Variants in PRIMA1 observed in about 807,000 individuals in gnomAD.
PRIMA1 encodes proline-rich membrane anchor 1.
In PRIMA1, 7 loss-of-function variants were observed where a neutral mutation model predicts 17.5. The observed-to-expected ratio is 0.40, with a 90% CI of 0.23 to 0.75. The LOEUF (loss-of-function observed/expected upper bound fraction) is 0.75, where lower values mean the gene tolerates loss of function less well. PRIMA1 is among the 30% of genes least tolerant of loss of function. PRIMA1 has a pLI of 0.37. For missense variants in PRIMA1, 200 were observed against 201.8 expected, an observed-to-expected ratio of 0.99 and a Z score of 0.05; for synonymous variants, 97 against 77.9, an observed-to-expected ratio of 1.25 and a Z score of -1.29.
intron 4 of PRIMA1, among the ~76,000 whole-genome samples, chr14:93,729,553 C>T (rs1018528618): frequency 2.6e-5 from 4 of 152,184 alleles, no homozygotes; most frequent in Non-Finnish European, 5.9e-5. Context: ...GGAGCAGTTC[C>T]ACTCCTGTCC....
chr14:93,777,925 G>T (rs112170118), intron 3 of PRIMA1, among the ~76,000 whole-genome samples: 2 of 152,178 alleles, frequency 1.3e-5, no homozygotes, highest in African/African-American at 2.4e-5. Context: ...ACTACGTGCC[G>T]TGGGGCCCAA....
intron 3 of PRIMA1, among the ~76,000 whole-genome samples, chr14:93,775,889 G>A (rs1885203499): frequency 6.6e-6 from 1 of 152,186 alleles, no homozygotes; most frequent in East Asian, 1.9e-4. Flanking sequence ...CCCAACTCCA[G>A]GGGTGGTCAC....
chr14:93,744,838 G>C (rs961613821), intron 3 of PRIMA1, among the ~76,000 whole-genome samples: 1 of 152,196 alleles, frequency 6.6e-6, no homozygotes, highest in African/African-American at 2.4e-5. Flanking sequence ...CCTGGCCCAT[G>C]CTTGACAGAA....
At chr14:93,737,422 C>T (rs1434710882) in intron 3 of PRIMA1, 52 bp from the exon 4 acceptor site, 2 of 1,593,460 alleles carry the variant, frequency 1.3e-6, no homozygotes, top group Non-Finnish European at 1.7e-6. Context: ...TGGTCATGGC[C>T]AGTGACAGAG....
At chr14:93,763,574 T>C (rs1884798347) in intron 3 of PRIMA1, among the ~76,000 whole-genome samples, 1 of 152,042 alleles carries the variant, frequency 6.6e-6, no homozygotes, top group South Asian at 2.1e-4. Context: ...TTCCTTCCAC[T>C]CCACTCTGCA....
intron 4 of PRIMA1, 108 bp downstream of exon 4, chr14:93,737,133 T>C (rs1454729988): frequency 1.3e-5 from 14 of 1,118,396 alleles, no homozygotes; most frequent in Non-Finnish European, 6.3e-6. Flanking sequence ...TCTTATATGC[T>C]TAACAACTTT....
chr14:93,719,990 G>A lies in PRIMA1; in HGVS notation c.*1454C>T, dbSNP rs2076026898. The A allele has an allele frequency of 1.3e-5, 2 of 152,204 alleles. No homozygotes were observed. The highest frequency in any genetic ancestry group is 2.4e-5 in the African/African-American group (1 of 41,438). 9.4% of individuals were successfully genotyped at this position (152,204 alleles called of 1,614,324 possible). Reference sequence around the variant, plus strand: ...CCCAAATGGGGACCGGTTTTCAGGTGTGTCTGTCTTCTCTGGACTTCAAAG... The same window carrying A: ...CCCAAATGGGGACCGGTTTTCAGGTATGTCTGTCTTCTCTGGACTTCAAAG... On this transcript the variant is annotated 3_prime_UTR_variant, in exon 5 of 5. Transcript: ENST00000393140.
intron 3 of PRIMA1, among the ~76,000 whole-genome samples, chr14:93,745,967 G>A (rs2076214542): frequency 6.6e-6 from 1 of 152,198 alleles, no homozygotes; most frequent in Non-Finnish European, 1.5e-5. Flanking sequence ...CAGAGAGCCA[G>A]CAGCAGACAC....
intron 4 of PRIMA1, among the ~76,000 whole-genome samples, chr14:93,724,572 T>C (rs60166065): frequency 0.013 from 2,053 of 152,270 alleles, 46 homozygotes; most frequent in African/African-American, 0.045. Flanking sequence ...GAAATCTGCA[T>C]GGCCTGGACA....
intron 3 of PRIMA1, among the ~76,000 whole-genome samples, chr14:93,774,452 G>A (rs1885152020): frequency 6.6e-6 from 1 of 152,188 alleles, no homozygotes; most frequent in Non-Finnish European, 1.5e-5. Flanking sequence ...GCACGAATAG[G>A]TGTTTCTCTC....
chr14:93,737,206 C>T (rs781372978), intron 4 of PRIMA1, 35 bp downstream of exon 4: 34 of 1,608,770 alleles, frequency 2.1e-5, no homozygotes, highest in East Asian at 1.8e-4. Context: ...GGGTTCCCTT[C>T]GGCTTGAAGC....
intron 3 of PRIMA1, among the ~76,000 whole-genome samples, chr14:93,762,699 G>A (rs1446934774): frequency 6.6e-6 from 1 of 152,084 alleles, no homozygotes. Context: ...TGTCCAATAG[G>A]GAGTGAGTCA....
intron 3 of PRIMA1, among the ~76,000 whole-genome samples, chr14:93,769,702 C>T (rs967126932): frequency 1.3e-5 from 2 of 152,190 alleles, no homozygotes; most frequent in African/African-American, 4.8e-5. Flanking sequence ...ACCCACCAGG[C>T]CTGGACCTCC....
chr14:93,734,468 C>T (rs2076135643), intron 4 of PRIMA1, among the ~76,000 whole-genome samples: 1 of 152,192 alleles, frequency 6.6e-6, no homozygotes, highest in Non-Finnish European at 1.5e-5. Context: ...CTCCTAAGTG[C>T]GAGTCTCTCA....
At chr14:93,741,548 T>C (rs1255807965) in intron 3 of PRIMA1, among the ~76,000 whole-genome samples, 1 of 152,116 alleles carries the variant, frequency 6.6e-6, no homozygotes, top group Non-Finnish European at 1.5e-5. Flanking sequence ...GATCTGGGAG[T>C]ACAAAGATAA....
intron 3 of PRIMA1, among the ~76,000 whole-genome samples, chr14:93,771,380 T>G (rs558221254): frequency 1.3e-5 from 2 of 152,206 alleles, no homozygotes; most frequent in African/African-American, 4.8e-5. Flanking sequence ...CTCTCAACCT[T>G]CAAATTCAGC....
At chr14:93,729,158 A>C (rs927488906) in intron 4 of PRIMA1, among the ~76,000 whole-genome samples, 1 of 152,236 alleles carries the variant, frequency 6.6e-6, no homozygotes, top group African/African-American at 2.4e-5. Flanking sequence ...TTCTGGACTA[A>C]GCACAGGTGC....
At position 93,745,567 on chromosome 14, in the gene PRIMA1, G is replaced by A. The variant is rs185270474; in HGVS notation, c.230-8197C>T. Among the ~76,000 whole-genome samples the A allele has an allele frequency of 9.2e-5, 14 of 152,298 alleles. No homozygotes were observed. In the East Asian group the frequency reaches 1.7e-3, roughly 19 times the overall value. On this transcript the variant is annotated intron_variant, in intron 3 of 4. Coordinates refer to ENST00000393140, the MANE Select transcript of PRIMA1 (RefSeq NM_178013.4). ...TCCTTGCCCCACGCTCCTCAATACC[G>A]CTGGGGCAGTGCCTTCCTCCTGGCT...
chr14:93,738,851 T>C (rs920136887), intron 3 of PRIMA1, among the ~76,000 whole-genome samples: 3 of 152,222 alleles, frequency 2.0e-5, no homozygotes, highest in African/African-American at 7.2e-5. Flanking sequence ...ACCACTATTC[T>C]GATTTCTAAA....
Sources: gnomAD v4.1 joint callset for allele counts (sites outside exome capture counted in the v4.1 genomes callset) on GRCh38, gnomAD v4.1.1 for gene constraint, MANE v1.5 for transcripts, NCBI Gene and HGNC (gene_info 2026-07-23, HGNC 2026-07-21) for gene names.